Variants in CHD2 observed in about 807,000 individuals in gnomAD.
CHD2 encodes the protein ATP-dependent chromatin remodeler CHD2.
CHD2 carries 28 observed loss-of-function variants against 243.9 expected under a neutral mutation model. The ratio of observed to expected loss-of-function variants is 0.11; its 90% confidence interval spans 0.09 to 0.16. CHD2 has a LOEUF of 0.16. CHD2 is among the 10% of genes least tolerant of loss of function. CHD2 has a pLI of 1.00. For missense variants in CHD2, 1,386 were observed against 2,209.8 expected (o/e 0.63, Z 7.47); for synonymous variants, 775 against 779.0 (o/e 0.99, Z 0.09).
intron 2 of CHD2, among the ~76,000 whole-genome samples, chr15:92,907,112 A>G (rs888088273): frequency 1.3e-5 from 2 of 152,222 alleles, no homozygotes; most frequent in East Asian, 1.9e-4. Flanking sequence ...TGGAATCTTT[A>G]ATTGATAAAG....
At chr15:92,942,577 G>A (rs1334825340) in intron 8 of CHD2, among the ~76,000 whole-genome samples, 1 of 151,814 alleles carries the variant, frequency 6.6e-6, no homozygotes, top group Non-Finnish European at 1.5e-5. Flanking sequence ...GGATGTTGCT[G>A]CTCTGTTTTT....
intron 2 of CHD2, among the ~76,000 whole-genome samples, chr15:92,912,502 G>A (rs892093365): frequency 1.1e-4 from 16 of 152,160 alleles, no homozygotes; most frequent in African/African-American, 3.9e-4. Flanking sequence ...GATTACAGGT[G>A]TGCACCACCG....
intron 2 of CHD2, chr15:92,902,113 A>C (rs1262421380): frequency 1.5e-5 from 6 of 397,656 alleles, no homozygotes; most frequent in African/African-American, 6.2e-5. Context: ...CTGTTGGTAG[A>C]TGTATTTTAT....
At chr15:92,902,438 A>G (rs988899733) in intron 2 of CHD2, 4 of 350,620 alleles carry the variant, frequency 1.1e-5, no homozygotes, top group African/African-American at 6.3e-5. Context: ...TTCCTTCCCA[A>G]TTTTTACTTT....
Position 92,998,506 on chromosome 15 carries a change from C to T in CHD2, c.3893C>T (p.Pro1298Leu), listed in dbSNP as rs1273405855. ...PELKLTDKIL[P>L]VETDKKPQGK... is the part of the protein sequence containing the mutation. Reference sequence around the variant, plus strand: ...CTTCCTTTCTTGTTGAAGATTCTGCCGGTGGAGACAGATAAAAAGCCTCAG... The same window carrying T: ...CTTCCTTTCTTGTTGAAGATTCTGCTGGTGGAGACAGATAAAAAGCCTCAG... Residue 1298 changes from proline to leucine, a missense_variant, in exon 31 of 39, where the codon CCG becomes CTG. Pro to Leu is a moderately conservative substitution (Grantham distance 98). Around this residue, in one of 19 missense-constraint regions of CHD2, gnomAD observed 99 missense variants for 176.9 expected, o/e 0.56. Coordinates refer to ENST00000394196, the MANE Select transcript of CHD2 (RefSeq NM_001271.4). The surrounding 1 kb of genome is among the most constrained non-coding windows in gnomAD (Gnocchi z 5.1). 5.6e-6 allele frequency: 9 copies of T among 1,613,586 alleles called. No homozygotes were observed. The highest frequency in any genetic ancestry group is 1.1e-5 in the South Asian group (1 of 91,064).
At chr15:92,979,105 G>A in intron 21 of CHD2, 30 bp from the exon 22 acceptor site, 1 of 1,610,698 alleles carries the variant, frequency 6.2e-7, no homozygotes, top group Non-Finnish European at 8.5e-7. Flanking sequence ...GGTGGTTCAG[G>A]CATAAGCATA....
chr15:92,979,156 A>G lies in CHD2; in HGVS notation c.2749A>G (p.Thr917Ala), dbSNP rs766507274. Residue 917 changes from threonine to alanine, a missense_variant, in exon 22 of 39, where the codon ACA (threonine) becomes GCA (alanine). Transcript: ENST00000394196. ...ACAGGTAAATATTTACCGCTTAGTT[A>G]CAAAGGGGACTGTGGAGGAGGAGAT... ...KKQVNIYRLV[T>A]KGTVEEEIIE... The G allele has an allele frequency of 6.2e-7, 1 of 1,614,046 alleles. No individual in the cohort carries two copies. The highest frequency in any genetic ancestry group is 2.2e-5 in the East Asian group (1 of 44,884).
chr15:92,937,309 T>G (rs976794573), intron 5 of CHD2, among the ~76,000 whole-genome samples: 2 of 152,208 alleles, frequency 1.3e-5, no homozygotes, highest in South Asian at 4.1e-4. Flanking sequence ...TTTATTTATT[T>G]TTGTTACTGG....
chr15:92,909,134 TAAA>T (rs1263426158), intron 2 of CHD2, among the ~76,000 whole-genome samples: 1 of 151,198 alleles, frequency 6.6e-6, no homozygotes, highest in African/African-American at 2.4e-5. Flanking sequence ...AGAAAAAAGA[TAAA>T]AAATGTATAT....
At chr15:92,982,338 TG>T (rs2053990286) in intron 24 of CHD2, among the ~76,000 whole-genome samples, 2 of 152,162 alleles carry the variant, frequency 1.3e-5, no homozygotes, top group African/African-American at 4.8e-5. Context: ...GGAAAAGATT[TG>T]GGACAGCCAT....
chr15:92,901,103 T>C, intron 1 of CHD2, 64 bp from the exon 2 acceptor site: 3 of 679,618 alleles, frequency 4.4e-6, no homozygotes, highest in Non-Finnish European at 8.0e-6. Flanking sequence ...GTCAGGACTT[T>C]GTTCCTGATA....
At chr15:92,922,903 T>C (rs2052986880) in intron 2 of CHD2, among the ~76,000 whole-genome samples, 1 of 152,158 alleles carries the variant, frequency 6.6e-6, no homozygotes, top group South Asian at 2.1e-4. Flanking sequence ...CACCCCTCAG[T>C]CTCTGTGGTT....
At chr15:92,952,883 A>G (rs1420343161) in intron 13 of CHD2, among the ~76,000 whole-genome samples, 2 of 152,176 alleles carry the variant, frequency 1.3e-5, no homozygotes, top group African/African-American at 4.8e-5. Context: ...AGCCCCATGC[A>G]CCTATACATG....
At chr15:92,995,855 G>A (rs1405024252) in intron 28 of CHD2, among the ~76,000 whole-genome samples, 2 of 152,268 alleles carry the variant, frequency 1.3e-5, no homozygotes, top group South Asian at 2.1e-4. Flanking sequence ...TAAGTCTGGT[G>A]CCACAATGTT....
chr15:92,960,190 G>T (rs2053666861), intron 16 of CHD2, among the ~76,000 whole-genome samples: 1 of 152,040 alleles, frequency 6.6e-6, no homozygotes, highest in Non-Finnish European at 1.5e-5. Context: ...CTTACATCCT[G>T]CAAACTTGAT....
rs543963489 is a variant in CHD2, at chr15:92,987,753, A to G, written c.3413+2080A>G. 2.2e-4 allele frequency among the ~76,000 whole-genome samples: 33 copies of G among 151,222 alleles called. 2 individuals carry two copies. The South Asian group carries it at 6.5e-3, about 30-fold the overall frequency. Reference sequence around the variant, plus strand: ...GTAGGAATTATGTCTGCATTTTGCTATTTGTCTTCTATATGTCATGTTTTT... The same window carrying G: ...GTAGGAATTATGTCTGCATTTTGCTGTTTGTCTTCTATATGTCATGTTTTT... On this transcript the variant is annotated intron_variant, in intron 26 of 38. Transcript: ENST00000394196.
intron 2 of CHD2, among the ~76,000 whole-genome samples, chr15:92,908,703 T>G (rs1172784434): frequency 6.6e-6 from 1 of 152,244 alleles, no homozygotes; most frequent in Non-Finnish European, 1.5e-5. Context: ...TAATAGCTGC[T>G]TGAGTTAGGA....
At chr15:92,923,912 G>A (rs763387026) in intron 2 of CHD2, among the ~76,000 whole-genome samples, 15 of 152,012 alleles carry the variant, frequency 9.9e-5, no homozygotes, top group Non-Finnish European at 1.8e-4. Flanking sequence ...TGTTGAGAGG[G>A]GAATGATACT....
chr15:92,907,161 T>C (rs187569415), intron 2 of CHD2, among the ~76,000 whole-genome samples: 1 of 152,242 alleles, frequency 6.6e-6, no homozygotes, highest in Non-Finnish European at 1.5e-5. Flanking sequence ...AAAAAGCTCC[T>C]ATATACTGAA....
Sources: gnomAD v4.1 joint callset for allele counts (sites outside exome capture counted in the v4.1 genomes callset) on GRCh38, gnomAD v4.1.1 for gene constraint, gnomAD v4.1.1 regional missense constraint, Gnocchi (gnomAD v3.1) non-coding constraint, MANE v1.5 for transcripts, NCBI Gene and HGNC (gene_info 2026-07-23, HGNC 2026-07-21) for gene names.